The following UBE2C variants were observed in gnomAD, a reference collection of about 807,000 sequenced individuals.
UBE2C encodes ubiquitin conjugating enzyme E2 C.
Under a neutral mutation model 23.5 loss-of-function variants are expected in UBE2C, and 16 were observed. The observed-to-expected ratio is 0.68, with a 90% CI of 0.46 to 1.03. The LOEUF (loss-of-function observed/expected upper bound fraction) is 1.03. UBE2C is among the 50% of genes least tolerant of loss of function. The pLI is 0.00. For missense variants in UBE2C, 192 were observed against 227.6 expected (o/e 0.84, Z 1.01); for synonymous variants, 76 against 91.6 (o/e 0.83, Z 0.97).
At chr20:45,815,976 C>T (rs1982511965) in intron 5 of UBE2C, 63 bp downstream of exon 5, 1 of 1,570,674 alleles carries the variant, frequency 6.4e-7, no homozygotes, top group Non-Finnish European at 8.7e-7. Context: ...CTCCCTCAAA[C>T]AAAAGGAGCC....
At chr20:45,815,824 C>A (rs1386555015) in intron 4 of UBE2C, 30 bp from the exon 5 acceptor site, 8 of 1,614,030 alleles carry the variant, frequency 5.0e-6, no homozygotes, top group Middle Eastern at 1.6e-4. Context: ...TCTTCTACCG[C>A]CTTGACCTTC....
rs1245888094 is a variant in UBE2C at position 45,815,847 on chromosome 20, C to T, written c.422-7C>T. On this transcript the variant is annotated splice_polypyrimidine_tract_variant and splice_region_variant and intron_variant, in intron 4 of 5. Transcript: ENST00000356455. Reference sequence around the variant, plus strand: ...CGCCTTGACCTTCTCTTTCTCTCCACCCACAGAACCCAACATTGATAGTCC... The same window carrying T: ...CGCCTTGACCTTCTCTTTCTCTCCATCCACAGAACCCAACATTGATAGTCC... 1.2e-6 allele frequency: 2 copies of T among 1,614,108 alleles called. No homozygotes were observed. The highest frequency in any genetic ancestry group is 2.2e-5 in the East Asian group (1 of 44,876).
At chr20:45,814,828 ATAT>A (rs1450059970) in intron 3 of UBE2C, among the ~76,000 whole-genome samples, 14 of 150,380 alleles carry the variant, frequency 9.3e-5, no homozygotes, top group Non-Finnish European at 1.8e-4. Flanking sequence ...TTAGCAACTA[ATAT>A]TCTTTTTTTT....
intron 5 of UBE2C, among the ~76,000 whole-genome samples, chr20:45,816,158 G>GT (rs1306980080): frequency 6.6e-6 from 1 of 152,230 alleles, no homozygotes; most frequent in East Asian, 1.9e-4. Context: ...AAGGCAGGAG[G>GT]ATAGCTTGAG....
chr20:45,813,309 G>A (rs1046918703), intron 1 of UBE2C, 128 bp from the exon 2 acceptor site: 9 of 1,587,722 alleles, frequency 5.7e-6, no homozygotes, highest in South Asian at 4.6e-5. Context: ...ACCCTGAGCT[G>A]AGCCTGACCT....
intron 2 of UBE2C, 90 bp downstream of exon 2, chr20:45,813,554 T>C: frequency 6.4e-7 from 1 of 1,559,940 alleles, no homozygotes; most frequent in Non-Finnish European, 8.8e-7. Flanking sequence ...GACATAGGGG[T>C]AATGTAATTT....
intron 3 of UBE2C, 53 bp downstream of exon 3, chr20:45,814,523 G>T: frequency 6.9e-7 from 1 of 1,456,006 alleles, no homozygotes; most frequent in Non-Finnish European, 9.5e-7. Flanking sequence ...TGGGAAGTGA[G>T]ATCCAAGTGC....
intron 1 of UBE2C, 159 bp downstream of exon 1, chr20:45,812,955 G>A (rs1412532770): frequency 1.4e-6 from 2 of 1,430,996 alleles, no homozygotes; most frequent in Non-Finnish European, 1.8e-6. Flanking sequence ...GCATTCCCCT[G>A]GGCATGGGTG....
Position 45,814,591 on chromosome 20 carries a change from C to G in UBE2C, c.216+121C>G, listed in dbSNP as rs1028063479. The G allele has an allele frequency of 4.5e-5, 31 of 696,530 alleles. No individual in the cohort carries two copies. In the African/African-American group the frequency reaches 5.8e-4, roughly 13 times the overall value. The allele number at this position is 696,530 out of a possible 1,614,324, so 43.1% of individuals were successfully genotyped here. A position where few individuals can be genotyped will look rare whatever the true frequency, so the allele number is the denominator to read the frequency against. Reference sequence around the variant, plus strand: ...CACTCCTCCTGTGACTGTTTACATTCTCTGAGCCATGTGGCCTTGTTCTTT... The same window carrying G: ...CACTCCTCCTGTGACTGTTTACATTGTCTGAGCCATGTGGCCTTGTTCTTT... On this transcript the variant is annotated intron_variant, in intron 3 of 5. Transcript: ENST00000356455.
chr20:45,812,805 T>C lies in UBE2C; in HGVS notation c.101+9T>C. On this transcript the variant is annotated intron_variant, in intron 1 of 5. Transcript: ENST00000356455. Reference sequence around the variant, plus strand: ...GGTCCGGTGGGCAAAAGGTGAGTGATGCGGCCTACCACTCGCCGGGCCTGC... The same window carrying C: ...GGTCCGGTGGGCAAAAGGTGAGTGACGCGGCCTACCACTCGCCGGGCCTGC... The C allele has an allele frequency of 6.4e-7, 1 of 1,553,288 alleles. No individual in the cohort carries two copies. Among genetic ancestry groups the C allele is most frequent in the Non-Finnish European group, 8.7e-7 (1 of 1,148,684 alleles).
intron 3 of UBE2C, among the ~76,000 whole-genome samples, chr20:45,815,121 G>A (rs1425325785): frequency 6.6e-6 from 1 of 152,058 alleles, no homozygotes; most frequent in African/African-American, 2.4e-5. Flanking sequence ...ACAGGCGTGA[G>A]CCACCACGCC....
intron 2 of UBE2C, among the ~76,000 whole-genome samples, 199 bp from the exon 3 acceptor site, chr20:45,814,185 G>A (rs1982232690): frequency 6.8e-6 from 1 of 148,106 alleles, no homozygotes; most frequent in South Asian, 2.2e-4. Flanking sequence ...TTTTAGTAGA[G>A]ATGGCATAAC....
intron 3 of UBE2C, 96 bp downstream of exon 3, chr20:45,814,566 C>T: frequency 2.2e-6 from 2 of 912,780 alleles, no homozygotes; most frequent in African/African-American, 1.7e-5. Context: ...CGGAGCAAGA[C>T]ACTCCTCCTG....
In UBE2C at chr20:45,814,408, G is replaced by T; in HGVS notation, c.154G>T (p.Ala52Ser). The part of the protein sequence containing the change: ...LMMSGDKGIS[A>S]FPESDNLFKW... Reference sequence around the variant, plus strand: ...GATGTCTGGCGATAAAGGGATTTCTGCCTTCCCTGAATCAGACAACCTTTT... The same window carrying T: ...GATGTCTGGCGATAAAGGGATTTCTTCCTTCCCTGAATCAGACAACCTTTT... The change falls in exon 3 of 6, where the codon GCC (alanine) becomes TCC (serine). Residue 52 changes from alanine (A) to serine (S), a missense_variant. Coordinates refer to ENST00000356455, the MANE Select transcript of UBE2C (RefSeq NM_007019.4). The T allele has an allele frequency of 6.2e-7, 1 of 1,609,692 alleles. No homozygotes were observed. The highest frequency in any genetic ancestry group is 1.1e-5 in the South Asian group (1 of 90,818).
chr20:45,813,066 G>A (rs1269724917), intron 1 of UBE2C: 1 of 1,409,440 alleles, frequency 7.1e-7, no homozygotes, highest in Non-Finnish European at 9.2e-7. Context: ...AGACTCTCCC[G>A]AAGGAGAATG....
Position 45,815,606 on chromosome 20 carries a change from C to T in UBE2C, c.282C>T (p.Pro94=), listed in dbSNP as rs1982448178. The T allele has an allele frequency of 6.2e-7, 1 of 1,614,104 alleles. No homozygotes were observed. Reference sequence around the variant, plus strand: ...CCAGTGGCTACCCTTACAATGCGCCCACAGTGAAGTTCCTCACGCCCTGCT... The same window carrying T: ...CCAGTGGCTACCCTTACAATGCGCCTACAGTGAAGTTCCTCACGCCCTGCT... ...EFPSGYPYNA[P]TVKFLTPCYH... is the part of the protein sequence containing the mutation. The change falls in exon 4 of 6, where the codon CCC becomes CCT. Residue 94 remains proline, a synonymous_variant. Coordinates refer to ENST00000356455, the MANE Select transcript of UBE2C (RefSeq NM_007019.4).
intron 1 of UBE2C, 36 bp from the exon 2 acceptor site, chr20:45,813,401 C>T (rs1340955155): frequency 1.2e-6 from 2 of 1,614,002 alleles, no homozygotes; most frequent in African/African-American, 2.7e-5. Flanking sequence ...CTGGCCCATC[C>T]AGACTCCCAG....
chr20:45,814,271 C>CATATATACATATATATAT (rs1982257283), intron 2 of UBE2C, 113 bp from the exon 3 acceptor site: 1 of 339,610 alleles, frequency 2.9e-6, no homozygotes, highest in Non-Finnish European at 5.3e-6. Context: ...TGTATGTGAG[C>CATATATACATATATATAT]ATATATATAT....
At chr20:45,815,471 G>A in intron 3 of UBE2C, 70 bp from the exon 4 acceptor site, 1 of 1,614,184 alleles carries the variant, frequency 6.2e-7, no homozygotes, top group Non-Finnish European at 8.5e-7. Context: ...CAAGCCCCTT[G>A]TGTGGGGCTT....
Sources: gnomAD v4.1 joint callset for allele counts (sites outside exome capture counted in the v4.1 genomes callset) on GRCh38, gnomAD v4.1.1 for gene constraint, MANE v1.5 for transcripts, NCBI Gene and HGNC (gene_info 2026-07-23, HGNC 2026-07-21) for gene names.